CNTNAP2: variants seen among roughly 807,000 people sequenced by gnomAD.
CNTNAP2 encodes the protein contactin associated protein 2, also known as contactin-associated protein-like 2.
CNTNAP2 carries 98 observed loss-of-function variants against 155.2 expected under a neutral mutation model. That is an observed-to-expected ratio of 0.63 (90% CI 0.54 to 0.75). CNTNAP2 has a LOEUF of 0.75. Among genes scored for constraint, CNTNAP2 ranks in the 30% least tolerant of loss-of-function variants. The probability of loss-of-function intolerance (pLI) is 0.00; values close to 1 mark genes in which losing one functional copy is unlikely to be tolerated. For missense variants in CNTNAP2, 1,727 were observed against 1,688.1 expected (o/e 1.02, Z -0.40); for synonymous variants, 651 against 631.2 (o/e 1.03, Z -0.47).
intron 10 of CNTNAP2, among the ~76,000 whole-genome samples, chr7:147,425,773 A>G (rs1247270953): frequency 6.6e-6 from 1 of 152,144 alleles, no homozygotes; most frequent in Non-Finnish European, 1.5e-5. Flanking sequence ...AGCATTGTTA[A>G]TTGAAGATGT....
intron 15 of CNTNAP2, among the ~76,000 whole-genome samples, chr7:148,109,032 G>A: frequency 6.6e-6 from 1 of 152,152 alleles, no homozygotes; most frequent in East Asian, 1.9e-4. Context: ...AAAGCCTCAG[G>A]GTTTGTCGTC....
intron 1 of CNTNAP2, among the ~76,000 whole-genome samples, chr7:146,404,199 A>T (rs896382908): frequency 1.1e-4 from 16 of 151,968 alleles, no homozygotes; most frequent in African/African-American, 3.9e-4. Flanking sequence ...GAAAAGATGA[A>T]TATTCACTGA....
chr7:147,108,114 T>C (rs1473428153), intron 4 of CNTNAP2, 33 bp from the exon 5 acceptor site: 1 of 1,575,642 alleles, frequency 6.3e-7, no homozygotes, highest in East Asian at 2.3e-5. Flanking sequence ...CATACATGGC[T>C]GAACTAATAT....
intron 2 of CNTNAP2, among the ~76,000 whole-genome samples, chr7:146,799,318 C>T (rs536615255): frequency 6.6e-6 from 1 of 152,198 alleles, no homozygotes; most frequent in African/African-American, 2.4e-5. Context: ...TTCTTGATTG[C>T]TTACCTGTTG....
chr7:147,642,512 C>T (rs563406861), intron 13 of CNTNAP2, among the ~76,000 whole-genome samples: 2 of 152,060 alleles, frequency 1.3e-5, no homozygotes, highest in Non-Finnish European at 2.9e-5. Context: ...CACCGTGAAG[C>T]CTCACACACA....
chr7:148,175,840 C>A (rs1794924733), intron 18 of CNTNAP2, among the ~76,000 whole-genome samples: 1 of 152,092 alleles, frequency 6.6e-6, no homozygotes, highest in Admixed American at 6.5e-5. Flanking sequence ...TCCCCCTCCT[C>A]CCCATCCTCC....
At chr7:146,238,928 C>T (rs1187614838) in intron 1 of CNTNAP2, among the ~76,000 whole-genome samples, 1 of 152,140 alleles carries the variant, frequency 6.6e-6, no homozygotes, top group African/African-American at 2.4e-5. Flanking sequence ...GAAACCACGC[C>T]CATGATTCAA....
chr7:147,490,193 G>A (rs150931666), intron 11 of CNTNAP2, among the ~76,000 whole-genome samples: 20 of 152,234 alleles, frequency 1.3e-4, no homozygotes, highest in African/African-American at 3.9e-4. Flanking sequence ...GGGGAAACAG[G>A]AGGAATAAAC....
At chr7:147,561,724 G>A (rs959566007) in intron 11 of CNTNAP2, among the ~76,000 whole-genome samples, 1 of 152,108 alleles carries the variant, frequency 6.6e-6, no homozygotes, top group Non-Finnish European at 1.5e-5. Flanking sequence ...CAAGAGAGAG[G>A]CAGAGAGAGT....
At chr7:147,769,530 A>T (rs569093967) in intron 13 of CNTNAP2, among the ~76,000 whole-genome samples, 1 of 152,318 alleles carries the variant, frequency 6.6e-6, no homozygotes, top group East Asian at 1.9e-4. Flanking sequence ...TAGAGCCAAA[A>T]TAGAAACAGG....
Position 147,526,556 on chromosome 7 carries a change from T to C in CNTNAP2, c.1778-35582T>C, listed in dbSNP as rs139033527. Among the ~76,000 whole-genome samples, 491 of 152,316 alleles carry C rather than the reference T, an allele frequency of 3.2e-3. 6 individuals carry two copies. Among genetic ancestry groups the C allele is most frequent in the African/African-American group, 0.011 (456 of 41,574 alleles). Reference sequence around the variant, plus strand: ...CTAATAATGGTTTAGTGCTCATTGCTTGAAGGAATAATTTTTGACAAGGTC... The same window carrying C: ...CTAATAATGGTTTAGTGCTCATTGCCTGAAGGAATAATTTTTGACAAGGTC... On this transcript the variant is annotated intron_variant, in intron 11 of 23. Coordinates refer to ENST00000361727, the MANE Select transcript of CNTNAP2 (RefSeq NM_014141.6).
chr7:147,216,577 C>G (rs1027827900), intron 8 of CNTNAP2, among the ~76,000 whole-genome samples: 1 of 151,712 alleles, frequency 6.6e-6, no homozygotes, highest in African/African-American at 2.4e-5. Context: ...GTCTTATTTA[C>G]TGTAGCTTCA....
At chr7:148,014,676 GA>G (rs1802143975) in intron 15 of CNTNAP2, among the ~76,000 whole-genome samples, 1 of 152,198 alleles carries the variant, frequency 6.6e-6, no homozygotes, top group Non-Finnish European at 1.5e-5. Context: ...AGAGCTCGAA[GA>G]ATGAACAGTT....
intron 1 of CNTNAP2, among the ~76,000 whole-genome samples, chr7:146,120,644 G>C (rs966978307): frequency 3.9e-5 from 6 of 152,048 alleles, no homozygotes; most frequent in Admixed American, 2.0e-4. Flanking sequence ...CGTGTATGTT[G>C]GTGGTTCCAT....
At position 147,583,503 on chromosome 7, in the gene CNTNAP2, CATATATATATATATATAT is replaced by C. The variant is rs71183019; in HGVS notation, c.1897+21258_1897+21275del. Among the ~76,000 whole-genome samples the C allele has an allele frequency of 4.2e-3, 547 of 129,150 alleles. 7 individuals are homozygous for C. The highest frequency in any genetic ancestry group is 0.015 in the African/African-American group (500 of 33,212). The allele number at this position is 129,150 out of a possible 152,430, so 84.7% of individuals were successfully genotyped here. ...TTATATATATATATAAAAGACATGA[CATATATATATATATATAT>C]ATATATATATAATGTCAAACAGATT... On this transcript the variant is annotated intron_variant, in intron 12 of 23. Coordinates refer to ENST00000361727, the MANE Select transcript of CNTNAP2 (RefSeq NM_014141.6).
chr7:147,125,199 T>C (rs1479520034), intron 6 of CNTNAP2, among the ~76,000 whole-genome samples: 1 of 152,056 alleles, frequency 6.6e-6, no homozygotes, highest in African/African-American at 2.4e-5. Context: ...GTATTTTTAG[T>C]ATAGATGGGG....
At chr7:148,098,640 T>G (rs1461379263) in intron 15 of CNTNAP2, among the ~76,000 whole-genome samples, 1 of 151,694 alleles carries the variant, frequency 6.6e-6, no homozygotes, top group Non-Finnish European at 1.5e-5. Context: ...GGAGTTTGAG[T>G]CCAGCCTAGG....
intron 11 of CNTNAP2, among the ~76,000 whole-genome samples, chr7:147,517,937 C>T (rs1411907305): frequency 3.9e-5 from 6 of 152,028 alleles, no homozygotes; most frequent in African/African-American, 1.4e-4. Flanking sequence ...CTTTTTGTTT[C>T]CTTTTTCTTT....
At chr7:148,052,729 A>T (rs1322382449) in intron 15 of CNTNAP2, among the ~76,000 whole-genome samples, 1 of 152,236 alleles carries the variant, frequency 6.6e-6, no homozygotes, top group African/African-American at 2.4e-5. Flanking sequence ...ATTTAAGTTT[A>T]GCCGTATAAC....
Sources: allele counts gnomAD v4.1 joint callset (sites outside exome capture counted in the v4.1 genomes callset), GRCh38; gene constraint gnomAD v4.1.1; transcripts MANE v1.5; gene names NCBI Gene and HGNC (gene_info 2026-07-23, HGNC 2026-07-21).